Variants in PPARGC1A observed in about 807,000 individuals in gnomAD.
PPARGC1A encodes the protein peroxisome proliferator-activated receptor gamma coactivator 1-alpha.
A neutral mutation model predicts 88.7 loss-of-function variants in PPARGC1A; 25 were observed. The ratio of observed to expected loss-of-function variants is 0.28; its 90% confidence interval spans 0.21 to 0.39. The LOEUF (loss-of-function observed/expected upper bound fraction) is 0.39, where lower values mean the gene tolerates loss of function less well. PPARGC1A is among the 10% of genes least tolerant of loss of function. PPARGC1A has a pLI of 1.00. For missense variants in PPARGC1A, 880 were observed against 968.7 expected (o/e 0.91, Z 1.22); for synonymous variants, 363 against 355.6 (o/e 1.02, Z -0.24).
chr4:24,020,384 C>A, the PPARGC1A span, among the ~76,000 whole-genome samples: 1 of 152,090 alleles, frequency 6.6e-6, no homozygotes, highest in Admixed American at 6.6e-5. Context: ...TTTTGAGGGA[C>A]AATTAATATT....
the PPARGC1A span, among the ~76,000 whole-genome samples, chr4:24,135,034 GC>G: frequency 6.6e-6 from 1 of 152,128 alleles, no homozygotes; most frequent in African/African-American, 2.4e-5. Context: ...TGCTCCTGTG[GC>G]CCCTTCGCTA....
intron 2 of PPARGC1A, among the ~76,000 whole-genome samples, chr4:23,850,596 G>C (rs1290020627): frequency 2.0e-5 from 3 of 152,140 alleles, no homozygotes; most frequent in Non-Finnish European, 2.9e-5. Context: ...CTTATTTCAA[G>C]GCAAAGGCAG....
the PPARGC1A span, among the ~76,000 whole-genome samples, chr4:24,035,449 A>G: frequency 0.19 from 29,127 of 151,886 alleles, 3,192 homozygotes; most frequent in Admixed American, 0.34. Context: ...GCTGAGGCAC[A>G]AGAATTGTTT....
At chr4:24,166,162 C>T in the PPARGC1A span, among the ~76,000 whole-genome samples, 1 of 152,226 alleles carries the variant, frequency 6.6e-6, no homozygotes, top group African/African-American at 2.4e-5. Flanking sequence ...CCAGCCACAA[C>T]ATTCCCTTAA....
At chr4:24,218,577 C>T in the PPARGC1A span, among the ~76,000 whole-genome samples, 1 of 152,164 alleles carries the variant, frequency 6.6e-6, no homozygotes, top group East Asian at 1.9e-4. Flanking sequence ...AAAAGGCATT[C>T]AAATGTTGCT....
intron 7 of PPARGC1A, among the ~76,000 whole-genome samples, chr4:23,823,574 A>C (rs1404976674): frequency 6.6e-6 from 1 of 152,068 alleles, no homozygotes; most frequent in Non-Finnish European, 1.5e-5. Context: ...GCTACTCCTA[A>C]ACATATATGT....
At chr4:23,916,724 A>G in the PPARGC1A span, among the ~76,000 whole-genome samples, 7 of 152,298 alleles carry the variant, frequency 4.6e-5, no homozygotes, top group African/African-American at 9.6e-5. Context: ...GTTGTTTCCA[A>G]TTTGTGAAAG....
the PPARGC1A span, among the ~76,000 whole-genome samples, chr4:24,254,002 T>TGGC: frequency 6.6e-6 from 1 of 152,350 alleles, no homozygotes; most frequent in South Asian, 2.1e-4. Context: ...AACACTGATT[T>TGGC]AATAATATTA....
the PPARGC1A span, among the ~76,000 whole-genome samples, chr4:24,278,150 G>C: frequency 2.7e-5 from 4 of 148,114 alleles, no homozygotes; most frequent in African/African-American, 1.0e-4. Flanking sequence ...CTGGGTGACA[G>C]AGCAAGATCC....
At chr4:23,821,244 T>C (rs1288769843) in intron 7 of PPARGC1A, among the ~76,000 whole-genome samples, 1 of 152,158 alleles carries the variant, frequency 6.6e-6, no homozygotes, top group Admixed American at 6.6e-5. Context: ...CAGGGTCCAT[T>C]AGATAGCTTG....
At chr4:24,357,135 G>A in the PPARGC1A span, among the ~76,000 whole-genome samples, 2 of 152,154 alleles carry the variant, frequency 1.3e-5, no homozygotes, top group Non-Finnish European at 2.9e-5. Flanking sequence ...GCCATAGCAG[G>A]GACTTGCTCA....
chr4:24,353,732 T>A, the PPARGC1A span, among the ~76,000 whole-genome samples: 1 of 152,188 alleles, frequency 6.6e-6, no homozygotes, highest in Admixed American at 6.5e-5. Flanking sequence ...TGGTTCTCCA[T>A]CATCCAAGTC....
At chr4:23,821,263 T>C (rs1722970508) in intron 7 of PPARGC1A, among the ~76,000 whole-genome samples, 1 of 152,138 alleles carries the variant, frequency 6.6e-6, no homozygotes, top group Admixed American at 6.6e-5. Context: ...TGTGTCAACG[T>C]ATAAATCTTT....
chr4:24,191,747 C>T, the PPARGC1A span, among the ~76,000 whole-genome samples: 1 of 152,186 alleles, frequency 6.6e-6, no homozygotes, highest in Non-Finnish European at 1.5e-5. Context: ...GTGTGGGTGG[C>T]CACAGCTGGC....
At chr4:23,919,667 TA>T in the PPARGC1A span, among the ~76,000 whole-genome samples, 4 of 151,780 alleles carry the variant, frequency 2.6e-5, no homozygotes, top group South Asian at 6.2e-4. Context: ...CTTCAGCCCT[TA>T]AAAAAAGTCC....
the PPARGC1A span, among the ~76,000 whole-genome samples, chr4:24,041,805 A>C: frequency 6.6e-6 from 1 of 152,072 alleles, no homozygotes. Flanking sequence ...TTAAGAAAAC[A>C]GTTTTTATTT....
At chr4:24,190,431 T>C in the PPARGC1A span, among the ~76,000 whole-genome samples, 1 of 151,952 alleles carries the variant, frequency 6.6e-6, no homozygotes, top group Non-Finnish European at 1.5e-5. Flanking sequence ...AGGAGAATGG[T>C]ATGAACCCAG....
the PPARGC1A span, among the ~76,000 whole-genome samples, chr4:24,149,715 C>T: frequency 2.0e-5 from 3 of 152,176 alleles, no homozygotes; most frequent in Non-Finnish European, 4.4e-5. Flanking sequence ...CTATGCCTGC[C>T]ATTCTAAATA....
chr4:24,082,967 T>C, the PPARGC1A span, among the ~76,000 whole-genome samples: 1 of 152,196 alleles, frequency 6.6e-6, no homozygotes, highest in African/African-American at 2.4e-5. Flanking sequence ...GTACATAAAA[T>C]TGAGTCAAAT....
Sources: gnomAD v4.1 joint callset for allele counts (sites outside exome capture counted in the v4.1 genomes callset) on GRCh38, gnomAD v4.1.1 for gene constraint, MANE v1.5 for transcripts, NCBI Gene and HGNC (gene_info 2026-07-23, HGNC 2026-07-21) for gene names.